RAD54B: variants seen among roughly 807,000 people sequenced by gnomAD.
RAD54B encodes DNA repair and recombination protein RAD54B.
RAD54B carries 78 observed loss-of-function variants against 95.8 expected under a neutral mutation model. The ratio of observed to expected loss-of-function variants is 0.81; its 90% CI spans 0.68 to 0.98. The LOEUF is 0.98. Ranked by LOEUF, RAD54B falls within the 50% of genes least tolerant of loss-of-function variation. RAD54B has a pLI of 0.00. For missense variants in RAD54B, 957 were observed against 1,056.6 expected (o/e 0.91, Z 1.31); for synonymous variants, 328 against 354.9 (o/e 0.92, Z 0.85).
At position 94,422,617 on chromosome 8, in the gene RAD54B, AATATATATATAT is replaced by A. The variant is rs1166692675; in HGVS notation, c.305-11314_305-11303del. On this transcript the variant is annotated intron_variant, in intron 3 of 14. Coordinates refer to ENST00000336148, the MANE Select transcript of RAD54B (RefSeq NM_012415.3). ...AAAAAAAAAAAAAAAAAAAAAAAAA[AATATATATATAT>A]ATATATATATATATATATATATATA... is the stretch of plus-strand genomic sequence containing the variant. Among the ~76,000 whole-genome samples the A allele has an allele frequency of 6.5e-3, 281 of 43,554 alleles. 7 individuals are homozygous for A. The highest frequency in any genetic ancestry group is 0.022 in the African/African-American group (216 of 10,012). The allele number at this position is 43,554 out of a possible 152,430, so 28.6% of individuals were successfully genotyped here. A position where few individuals can be genotyped will look rare whatever the true frequency, so the allele number is the denominator to read the frequency against.
At chr8:94,450,194 T>G (rs1271895010) in intron 3 of RAD54B, among the ~76,000 whole-genome samples, 1 of 152,240 alleles carries the variant, frequency 6.6e-6, no homozygotes. Context: ...CTTGCAGTTA[T>G]GTCTAGGTTG....
chr8:94,378,452 G>A (rs181163125), intron 13 of RAD54B, 72 bp from the exon 14 acceptor site: 387 of 1,447,068 alleles, frequency 2.7e-4, no homozygotes, highest in African/African-American at 2.3e-3. Flanking sequence ...ATAATGTTTA[G>A]TAACATACTA....
At chr8:94,385,446 T>C (rs906796526) in intron 11 of RAD54B, among the ~76,000 whole-genome samples, 1 of 152,124 alleles carries the variant, frequency 6.6e-6, no homozygotes, top group Non-Finnish European at 1.5e-5. Flanking sequence ...AATCTGCATA[T>C]GTACATCTCA....
chr8:94,470,463 C>T (rs1813142475), intron 1 of RAD54B, among the ~76,000 whole-genome samples: 1 of 152,090 alleles, frequency 6.6e-6, no homozygotes, highest in Admixed American at 6.6e-5. Flanking sequence ...GGCGTGGTGG[C>T]GCATGCCTGT....
intron 2 of RAD54B, among the ~76,000 whole-genome samples, chr8:94,465,513 A>G (rs1349576997): frequency 3.3e-5 from 5 of 152,232 alleles, no homozygotes; most frequent in Non-Finnish European, 5.9e-5. Context: ...ATGGAAAATA[A>G]CAAGTGTTCC....
intron 3 of RAD54B, among the ~76,000 whole-genome samples, chr8:94,450,737 G>T (rs1331491390): frequency 6.6e-6 from 1 of 152,002 alleles, no homozygotes; most frequent in African/African-American, 2.4e-5. Context: ...AAAATTAGCT[G>T]AGTGTGGTGG....
chr8:94,388,284 G>A (rs1395097443), intron 10 of RAD54B, among the ~76,000 whole-genome samples: 1 of 152,010 alleles, frequency 6.6e-6, no homozygotes, highest in Non-Finnish European at 1.5e-5. Flanking sequence ...AGCTTTGTGA[G>A]GATCTACTTC....
chr8:94,446,512 C>G (rs1238856054), intron 3 of RAD54B, among the ~76,000 whole-genome samples: 2 of 152,178 alleles, frequency 1.3e-5, no homozygotes, highest in Admixed American at 6.5e-5. Context: ...GGTCACTTAA[C>G]AAATGCATCC....
At chr8:94,436,989 G>A (rs1231325769) in intron 3 of RAD54B, 7 of 1,405,392 alleles carry the variant, frequency 5.0e-6, no homozygotes, top group Admixed American at 3.3e-5. Context: ...TTAGGCCCAC[G>A]CCTACAGGGG....
At chr8:94,470,095 C>T (rs1813130816) in intron 1 of RAD54B, among the ~76,000 whole-genome samples, 1 of 152,162 alleles carries the variant, frequency 6.6e-6, no homozygotes, top group Admixed American at 6.5e-5. Context: ...TCTGTTTCAC[C>T]CAGAAATTCC....
Position 94,387,086 on chromosome 8 carries a change from G to A in RAD54B, c.1883C>T (p.Pro628Leu). 6.2e-7 allele frequency: 1 copy of A among 1,613,476 alleles called. No homozygotes were observed. The highest frequency in any genetic ancestry group is 8.5e-7 in the Non-Finnish European group (1 of 1,179,580). Residue 628 changes from proline to leucine, a missense_variant, in exon 11 of 15, where the codon CCT becomes CTT. Coordinates refer to ENST00000336148, the MANE Select transcript of RAD54B (RefSeq NM_012415.3). ...SLYKGLLSVF[P>L]ADYNPLLFTE... ...AAACAGGAGAGGGTTGTAGTCAGCA[G>A]GAAACACACTTAGCAAGCCTTTGTA...
intron 3 of RAD54B, chr8:94,429,213 A>G (rs1812022222): frequency 1.4e-6 from 1 of 697,522 alleles, no homozygotes; most frequent in Admixed American, 6.3e-5. Context: ...CACCTAACAC[A>G]CTAAAGAAAA....
At chr8:94,407,330 T>C (rs1269291124) in intron 5 of RAD54B, 109 bp downstream of exon 5, 5 of 1,036,460 alleles carry the variant, frequency 4.8e-6, no homozygotes, top group Non-Finnish European at 6.9e-6. Flanking sequence ...TCAAGAATAA[T>C]GTATACTTTC....
At chr8:94,417,030 A>G (rs1811689885) in intron 3 of RAD54B, among the ~76,000 whole-genome samples, 1 of 152,222 alleles carries the variant, frequency 6.6e-6, no homozygotes, top group African/African-American at 2.4e-5. Context: ...GCATATGCAT[A>G]CAATGGAATA....
rs564149440 is a variant in RAD54B at position 94,389,016 on chromosome 8, C to A, written c.1810-1857G>T. The stretch of plus-strand genomic sequence containing the variant: ...GACCTGCCTATTTAGACCAATCAGT[C>A]TATGCACGTGCATTCTGTCCTATGA... On this transcript the variant is annotated intron_variant, in intron 10 of 14. Coordinates refer to ENST00000336148, the MANE Select transcript of RAD54B (RefSeq NM_012415.3). Among the ~76,000 whole-genome samples, 10 of 152,342 alleles carry A rather than the reference C, an allele frequency of 6.6e-5. No individual in the cohort carries two copies. The South Asian group carries it at 2.1e-3, about 32-fold the overall frequency.
At chr8:94,451,777 T>C (rs2130162451) in intron 3 of RAD54B, among the ~76,000 whole-genome samples, 1 of 151,324 alleles carries the variant, frequency 6.6e-6, no homozygotes, top group Non-Finnish European at 1.5e-5. Context: ...AGTCACAAAA[T>C]AGAAGCAAAG....
At chr8:94,453,125 T>C (rs1357064572) in intron 3 of RAD54B, among the ~76,000 whole-genome samples, 2 of 152,240 alleles carry the variant, frequency 1.3e-5, no homozygotes, top group Non-Finnish European at 2.9e-5. Flanking sequence ...TAGATATTTA[T>C]TGTAGCTCTA....
chr8:94,473,585 T>C (rs1354191411), intron 1 of RAD54B, among the ~76,000 whole-genome samples: 1 of 152,172 alleles, frequency 6.6e-6, no homozygotes, highest in Non-Finnish European at 1.5e-5. Context: ...ATTAGTATTA[T>C]CGGAGAGTAG....
intron 6 of RAD54B, among the ~76,000 whole-genome samples, chr8:94,403,065 A>T (rs905525100): frequency 3.9e-5 from 6 of 152,222 alleles, no homozygotes; most frequent in Admixed American, 3.9e-4. Flanking sequence ...CAGTTTCTGG[A>T]AGACAGTATT....
Sources: allele counts gnomAD v4.1 joint callset (sites outside exome capture counted in the v4.1 genomes callset), GRCh38; gene constraint gnomAD v4.1.1; transcripts MANE v1.5; gene names NCBI Gene and HGNC (gene_info 2026-07-23, HGNC 2026-07-21).